The following DEPDC1B variants were observed in gnomAD, a reference collection of about 807,000 sequenced individuals.
DEPDC1B encodes DEP domain-containing protein 1B.
Under a neutral mutation model 66.5 loss-of-function variants are expected in DEPDC1B, and 51 were observed. The ratio of observed to expected loss-of-function variants is 0.77; its 90% CI spans 0.61 to 0.97. The LOEUF is 0.97. Ranked by LOEUF, DEPDC1B falls within the 50% of genes least tolerant of loss-of-function variation. The pLI is 0.00. For synonymous variants in DEPDC1B, 226 were observed against 223.6 expected, an observed-to-expected ratio of 1.01 and a Z score of -0.10; for missense variants, 552 against 637.1, an observed-to-expected ratio of 0.87 and a Z score of 1.44.
chr5:60,674,333 G>GA (rs1754110242), intron 2 of DEPDC1B, among the ~76,000 whole-genome samples: 1 of 152,072 alleles, frequency 6.6e-6, no homozygotes, highest in Non-Finnish European at 1.5e-5. Context: ...CAATAACCAG[G>GA]AATTACCTTT....
intron 6 of DEPDC1B, among the ~76,000 whole-genome samples, chr5:60,639,197 C>T (rs1300492040): frequency 6.6e-6 from 1 of 152,114 alleles, no homozygotes; most frequent in Non-Finnish European, 1.5e-5. Context: ...AAACATTCTT[C>T]TGAAAGGCAT....
At chr5:60,648,612 G>A (rs537741608) in intron 2 of DEPDC1B, among the ~76,000 whole-genome samples, 5 of 152,198 alleles carry the variant, frequency 3.3e-5, no homozygotes, top group South Asian at 2.1e-4. Context: ...AAAAACAGTC[G>A]CAATAGATTT....
At chr5:60,644,705 ATTATGTC>A in intron 5 of DEPDC1B, 33 bp downstream of exon 5, 1 of 1,552,918 alleles carries the variant, frequency 6.4e-7, no homozygotes, top group African/African-American at 1.4e-5. Flanking sequence ...CAGCCAATAT[ATTATGTC>A]AATAAGTAAC....
In DEPDC1B at chr5:60,653,735, C is replaced by CCATGTGCTGATGAATAG. The variant is rs1362648015; in HGVS notation, c.315-6203_315-6202insCTATTCATCAGCACATG. On this transcript the variant is annotated intron_variant, in intron 2 of 10. Coordinates refer to ENST00000265036, the MANE Select transcript of DEPDC1B (RefSeq NM_018369.3). ...TGATGTTCTGCGATTTTTATGATTT[C>CCATGTGCTGATGAATAG]AGGTCTTATATTTAAGTCTTTAATC... Among the ~76,000 whole-genome samples the CCATGTGCTGATGAATAG allele has an allele frequency of 9.1e-5, 12 of 131,638 alleles. 1 individual carries two copies. The highest frequency in any genetic ancestry group is 6.0e-4 in the South Asian group (2 of 3,346). The allele number at this position is 131,638 out of a possible 152,430, so 86.4% of individuals were successfully genotyped here. A position where few individuals can be genotyped will look rare whatever the true frequency, so the allele number is the denominator to read the frequency against.
At chr5:60,691,837 T>C (rs77722969) in intron 1 of DEPDC1B, among the ~76,000 whole-genome samples, 2,869 of 152,286 alleles carry the variant, frequency 0.019, 111 homozygotes, top group African/African-American at 0.066. Context: ...CACTTTTGGG[T>C]ATTTGCCCAA....
At chr5:60,678,719 C>A (rs1049215420) in intron 2 of DEPDC1B, among the ~76,000 whole-genome samples, 18 of 152,286 alleles carry the variant, frequency 1.2e-4, no homozygotes, top group Middle Eastern at 3.4e-3. Flanking sequence ...CTTTTCAAGT[C>A]TTTTGCTCAT....
At chr5:60,688,196 C>T (rs959792707) in intron 1 of DEPDC1B, among the ~76,000 whole-genome samples, 2 of 152,064 alleles carry the variant, frequency 1.3e-5, no homozygotes, top group Non-Finnish European at 2.9e-5. Flanking sequence ...AGTGATGAGC[C>T]AGTTTTTGCT....
chr5:60,618,723 G>C (rs1346068147), intron 7 of DEPDC1B, among the ~76,000 whole-genome samples: 2 of 152,164 alleles, frequency 1.3e-5, no homozygotes, highest in East Asian at 1.9e-4. Context: ...GGAGGAGCTG[G>C]TACCATTCCT....
intron 1 of DEPDC1B, among the ~76,000 whole-genome samples, chr5:60,695,884 C>T (rs6896976): frequency 0.019 from 2,858 of 152,194 alleles, 110 homozygotes; most frequent in African/African-American, 0.066. Flanking sequence ...CTGCAACCTC[C>T]GACGCCCTGG....
chr5:60,669,545 A>G (rs959302582), intron 2 of DEPDC1B, among the ~76,000 whole-genome samples: 13 of 152,234 alleles, frequency 8.5e-5, no homozygotes, highest in African/African-American at 3.1e-4. Flanking sequence ...TGCTCTGTAA[A>G]CCCATTCAAC....
intron 7 of DEPDC1B, among the ~76,000 whole-genome samples, chr5:60,619,395 G>A (rs1433707780): frequency 2.6e-5 from 4 of 152,176 alleles, no homozygotes; most frequent in Admixed American, 6.5e-5. Flanking sequence ...AAACCCCATC[G>A]TCTCAGCCCA....
In DEPDC1B at chr5:60,653,006, T is replaced by C. The variant is rs1162801387; in HGVS notation, c.315-5473A>G. Reference sequence around the variant, plus strand: ...ACACCATATTTTCTTTATCCACTCATTGATTAATGGGCATTTGGGCTGGTT... The same window carrying C: ...ACACCATATTTTCTTTATCCACTCACTGATTAATGGGCATTTGGGCTGGTT... On this transcript the variant is annotated intron_variant, in intron 2 of 10. Transcript: ENST00000265036. Among the ~76,000 whole-genome samples the C allele has an allele frequency of 3.3e-5, 5 of 149,370 alleles. 1 individual carries two copies. Among genetic ancestry groups the C allele is most frequent in the Admixed American group, 1.3e-4 (2 of 15,076 alleles).
At chr5:60,637,524 A>G (rs1010600116) in intron 7 of DEPDC1B, among the ~76,000 whole-genome samples, 1 of 152,214 alleles carries the variant, frequency 6.6e-6, no homozygotes, top group African/African-American at 2.4e-5. Context: ...ACCAAGTCTC[A>G]GGTATTTCTC....
At chr5:60,615,510 G>A (rs1275477758) in intron 7 of DEPDC1B, among the ~76,000 whole-genome samples, 1 of 152,194 alleles carries the variant, frequency 6.6e-6, no homozygotes, top group Non-Finnish European at 1.5e-5. Flanking sequence ...TCCCGTGCCT[G>A]GCTCGGAGGG....
At chr5:60,620,006 C>G (rs1433530095) in intron 7 of DEPDC1B, among the ~76,000 whole-genome samples, 1 of 152,184 alleles carries the variant, frequency 6.6e-6, no homozygotes, top group Non-Finnish European at 1.5e-5. Context: ...ACTACCTGAT[C>G]TTTGACAAAC....
chr5:60,687,745 C>T (rs1006238818), intron 1 of DEPDC1B: 12 of 183,676 alleles, frequency 6.5e-5, no homozygotes, highest in Non-Finnish European at 1.1e-4. Context: ...AGGGTGGTCT[C>T]GAACTCTTGA....
intron 3 of DEPDC1B, 60 bp from the exon 4 acceptor site, chr5:60,645,679 A>C: frequency 6.6e-7 from 1 of 1,506,314 alleles, no homozygotes; most frequent in Non-Finnish European, 8.9e-7. Context: ...ACAGTGAATA[A>C]ATATTTCAAT....
intron 9 of DEPDC1B, among the ~76,000 whole-genome samples, chr5:60,602,016 G>A (rs1752207897): frequency 6.6e-6 from 1 of 152,148 alleles, no homozygotes; most frequent in Admixed American, 6.6e-5. Context: ...AAAGGCTCCT[G>A]AGTCTGTGCT....
intron 2 of DEPDC1B, among the ~76,000 whole-genome samples, chr5:60,672,771 A>T (rs1395879220): frequency 6.6e-6 from 1 of 152,202 alleles, no homozygotes; most frequent in Non-Finnish European, 1.5e-5. Context: ...GAATGGTAGT[A>T]ACTGAAAGCT....
Sources: gnomAD v4.1 joint callset for allele counts (sites outside exome capture counted in the v4.1 genomes callset) on GRCh38, gnomAD v4.1.1 for gene constraint, MANE v1.5 for transcripts, NCBI Gene and HGNC (gene_info 2026-07-23, HGNC 2026-07-21) for gene names.